TMEM63B: variants seen among roughly 807,000 people sequenced by gnomAD.
TMEM63B encodes mechanosensitive cation channel TMEM63B.
In TMEM63B, 23 loss-of-function variants were observed where a neutral mutation model predicts 102.6. That is an observed-to-expected ratio of 0.22 (90% CI 0.16 to 0.32). The LOEUF (loss-of-function observed/expected upper bound fraction) is 0.32. Ranked by LOEUF, TMEM63B falls within the 10% of genes least tolerant of loss-of-function variation. The pLI is 1.00. For missense variants in TMEM63B, 628 were observed against 1,095.9 expected (o/e 0.57, Z 6.03); for synonymous variants, 444 against 437.0 (o/e 1.02, Z -0.20).
chr6:44,128,836 A>C (rs1171963422), intron 1 of TMEM63B, among the ~76,000 whole-genome samples: 1 of 152,200 alleles, frequency 6.6e-6, no homozygotes, highest in Non-Finnish European at 1.5e-5. Context: ...CAGAGGGTCC[A>C]GGCCTTGGCA....
At chr6:44,154,579 G>T in intron 23 of TMEM63B, 113 bp from the exon 24 acceptor site, 1 of 1,446,544 alleles carries the variant, frequency 6.9e-7, no homozygotes. Flanking sequence ...TCCCTGGAGG[G>T]CTGCCCCCGC....
At chr6:44,133,271 T>C (rs1050906202) in intron 1 of TMEM63B, among the ~76,000 whole-genome samples, 3 of 152,150 alleles carry the variant, frequency 2.0e-5, no homozygotes, top group African/African-American at 7.2e-5. Context: ...CTCCCCTCCA[T>C]CTGAGGGCTT....
At chr6:44,140,205 G>A (rs1371523398) in intron 8 of TMEM63B, 47 bp from the exon 9 acceptor site, 1 of 1,471,216 alleles carries the variant, frequency 6.8e-7, no homozygotes, top group Admixed American at 1.7e-5. Flanking sequence ...TCCTCTGAGT[G>A]TGTCCTAGCC....
chr6:44,142,620 C>T (rs1019934469), intron 10 of TMEM63B, among the ~76,000 whole-genome samples: 5 of 152,238 alleles, frequency 3.3e-5, no homozygotes, highest in African/African-American at 1.2e-4. Flanking sequence ...AGAGATTGCT[C>T]TGAGGTCAGT....
intron 10 of TMEM63B, among the ~76,000 whole-genome samples, chr6:44,144,288 T>G (rs1764894481): frequency 6.6e-6 from 1 of 152,208 alleles, no homozygotes; most frequent in Non-Finnish European, 1.5e-5. Flanking sequence ...TCTGTCTGGA[T>G]TGGAAGACTG....
intron 23 of TMEM63B, 58 bp downstream of exon 23, chr6:44,154,503 G>A (rs1198076182): frequency 4.2e-5 from 68 of 1,600,874 alleles, no homozygotes; most frequent in African/African-American, 6.7e-5. Flanking sequence ...AAAGCCCAGT[G>A]TTCCCTTAGT....
Position 44,135,334 on chromosome 6 carries a change from G to T in TMEM63B, c.246G>T (p.Arg82=). 1.2e-6 allele frequency: 2 copies of T among 1,613,002 alleles called. No individual in the cohort carries two copies. Among genetic ancestry groups the T allele is most frequent in the Non-Finnish European group, 1.7e-6 (2 of 1,179,408 alleles). Residue 82 remains arginine (R), a synonymous_variant, in exon 4 of 24, where the codon CGG becomes CGT. Transcript: ENST00000323267. ...LALVTDADRL[R]RQERDRVEQE... ...GTCTGTTCTCTGTCCCCAGGCTTCG[G>T]CGGCAGGAGAGGGACCGAGTGGAAC...
rs1401068794 is a variant in TMEM63B, at chr6:44,148,830, G to A, written c.1298G>A (p.Arg433His). The A allele has an allele frequency of 6.2e-7, 1 of 1,614,098 alleles. No individual in the cohort carries two copies. The highest frequency in any genetic ancestry group is 8.5e-7 in the Non-Finnish European group (1 of 1,180,020). The change falls in exon 15 of 24, where the codon CGC becomes CAC. Residue 433 changes from arginine (R) to histidine (H), a missense_variant. By Grantham distance (29) the Arg-to-His change is conservative. Coordinates refer to ENST00000323267, the MANE Select transcript of TMEM63B (RefSeq NM_018426.3). The surrounding 1 kb of genome is among the most constrained non-coding windows in gnomAD (Gnocchi z 5.1). ...LSIRGFIWWL[R>H]CLVINVVLFI... ...ATCCGAGGCTTCATCTGGTGGCTGC[G>A]CTGCCTGGTCATCAATGTCGTCCTC...
intron 10 of TMEM63B, among the ~76,000 whole-genome samples, chr6:44,142,566 C>G (rs943370662): frequency 6.6e-6 from 1 of 152,062 alleles, no homozygotes. Flanking sequence ...TCAGGGGGTT[C>G]ATAGTATGGC....
chr6:44,143,919 T>G (rs1337569381), intron 10 of TMEM63B, among the ~76,000 whole-genome samples: 3 of 152,138 alleles, frequency 2.0e-5, no homozygotes, highest in Admixed American at 1.3e-4. Context: ...CAGCCCACAT[T>G]TATTGTATAC....
Position 44,133,460 on chromosome 6 carries a change from G to A in TMEM63B, c.-24-1101G>A, listed in dbSNP as rs1487666648. ...CTCCCCTGCTCCACAGCCCGCCCCC[G>A]AGGCAGAGCTTCAGTGTTGTCAGCA... is the stretch of plus-strand genomic sequence containing the variant. On this transcript the variant is annotated intron_variant, in intron 1 of 23. Transcript: ENST00000323267. Among the ~76,000 whole-genome samples the A allele has an allele frequency of 3.3e-5, 5 of 152,206 alleles. No individual in the cohort carries two copies. In the South Asian group the frequency reaches 6.2e-4, roughly 19 times the overall value.
chr6:44,141,017 C>T lies in TMEM63B; in HGVS notation c.712-11C>T. 1 of 1,613,994 alleles carries T rather than the reference C, an allele frequency of 6.2e-7. No individual in the cohort carries two copies. The highest frequency in any genetic ancestry group is 8.5e-7 in the Non-Finnish European group (1 of 1,179,934). On this transcript the variant is annotated splice_polypyrimidine_tract_variant and intron_variant, in intron 9 of 23. Coordinates refer to ENST00000323267, the MANE Select transcript of TMEM63B (RefSeq NM_018426.3). ...AGCCTCAGAAGGCAAACCCACTCCC[C>T]TGTCACCCAGGTGAAGCGGACCCTC...
chr6:44,152,582 C>T lies in TMEM63B; in HGVS notation c.1837-11C>T, dbSNP rs753938324. On this transcript the variant is annotated splice_polypyrimidine_tract_variant and intron_variant, in intron 19 of 23. Coordinates refer to ENST00000323267, the MANE Select transcript of TMEM63B (RefSeq NM_018426.3). This position sits in a 1 kb window ranked among gnomAD's most constrained non-coding sequence, Gnocchi z 6.4. Reference sequence around the variant, plus strand: ...CTCCCTGAGCCATCCTCCTGCCCGTCTCCCCCCCAGCATCAGGCCTACGAG... The same window carrying T: ...CTCCCTGAGCCATCCTCCTGCCCGTTTCCCCCCCAGCATCAGGCCTACGAG... 7.5e-6 allele frequency: 12 copies of T among 1,605,136 alleles called. No individual in the cohort carries two copies. The South Asian group carries it at 1.2e-4, about 16-fold the overall frequency.
intron 20 of TMEM63B, 115 bp from the exon 21 acceptor site, chr6:44,153,561 G>A (rs775739243): frequency 1.3e-5 from 17 of 1,259,894 alleles, no homozygotes; most frequent in Non-Finnish European, 1.7e-5. Context: ...TGGGGCCCGG[G>A]CAGGAGGAGG....
chr6:44,138,617 C>G, intron 6 of TMEM63B, 100 bp downstream of exon 6: 1 of 1,426,976 alleles, frequency 7.0e-7, no homozygotes, highest in Non-Finnish European at 9.8e-7. Context: ...GGCCTTAGCA[C>G]TCCTCGCCAG....
intron 1 of TMEM63B, 146 bp downstream of exon 1, chr6:44,127,824 G>A (rs1339735183): frequency 6.6e-6 from 1 of 151,120 alleles, no homozygotes. Context: ...GGACCCAGGG[G>A]TGGCGCGCGC....
At chr6:44,140,652 C>G (rs1764050477) in intron 9 of TMEM63B, 3 of 573,324 alleles carry the variant, frequency 5.2e-6, no homozygotes, top group Non-Finnish European at 9.4e-6. Context: ...TAGTAATATT[C>G]CTTCCCCTTC....
chr6:44,128,313 G>A (rs1777614911), intron 1 of TMEM63B, among the ~76,000 whole-genome samples: 1 of 152,080 alleles, frequency 6.6e-6, no homozygotes, highest in Non-Finnish European at 1.5e-5. Flanking sequence ...TCCTCTCCTT[G>A]CGCCCCACAC....
rs370893644 is a variant in TMEM63B at position 44,139,526 on chromosome 6, G to A, written c.467G>A (p.Arg156Gln). 7.4e-6 allele frequency: 12 copies of A among 1,614,114 alleles called. No homozygotes were observed. Among genetic ancestry groups the A allele is most frequent in the African/African-American group, 1.3e-5 (1 of 74,928 alleles). The change falls in exon 7 of 24, where the codon CGG (arginine) becomes CAG (glutamine). Residue 156 changes from arginine to glutamine, a missense_variant. This residue lies in a region of TMEM63B where 336 missense variants were observed against 580.3 expected (regional missense o/e 0.58). Transcript: ENST00000323267. Reference sequence around the variant, plus strand: ...GCCGTGCACTACCTGTCCTTTCAGCGGCACATCATCGGGCTGCTGGTGGTT... The same window carrying A: ...GCCGTGCACTACCTGTCCTTTCAGCAGCACATCATCGGGCTGCTGGTGGTT... ...GDAVHYLSFQ[R>Q]HIIGLLVVVG...
Sources: gnomAD v4.1 joint callset for allele counts (sites outside exome capture counted in the v4.1 genomes callset) on GRCh38, gnomAD v4.1.1 for gene constraint, gnomAD v4.1.1 regional missense constraint, Gnocchi (gnomAD v3.1) non-coding constraint, MANE v1.5 for transcripts, NCBI Gene and HGNC (gene_info 2026-07-23, HGNC 2026-07-21) for gene names.